The following JHY variants were observed in gnomAD, a reference collection of about 807,000 sequenced individuals.
JHY encodes junctional cadherin complex regulator, also known as jhy protein homolog.
JHY carries 69 observed loss-of-function variants against 78.0 expected under a neutral mutation model. The observed-to-expected ratio is 0.88, with a 90% CI of 0.73 to 1.08. JHY has a LOEUF of 1.08. Ranked by LOEUF, JHY falls within the 50% of genes least tolerant of loss-of-function variation. The pLI, the probability that JHY is intolerant of heterozygous loss-of-function variation, is 0.00. For missense variants in JHY, 944 were observed against 927.8 expected, an observed-to-expected ratio of 1.02 and a Z score of -0.23; for synonymous variants, 368 against 342.6, an observed-to-expected ratio of 1.07 and a Z score of -0.82.
chr11:122,914,335 T>G (rs1863191228), intron 3 of JHY, among the ~76,000 whole-genome samples: 1 of 152,226 alleles, frequency 6.6e-6, no homozygotes, highest in African/African-American at 2.4e-5. Flanking sequence ...TTTACCTTTA[T>G]TTAAGTTATG....
At chr11:122,914,514 C>G (rs111712531) in intron 3 of JHY, among the ~76,000 whole-genome samples, 3 of 151,908 alleles carry the variant, frequency 2.0e-5, no homozygotes, top group Non-Finnish European at 4.4e-5. Context: ...ATGCGATCTC[C>G]GCTCACTGCA....
At chr11:122,904,862 G>C (rs1035478900) in intron 3 of JHY, among the ~76,000 whole-genome samples, 5 of 152,076 alleles carry the variant, frequency 3.3e-5, no homozygotes, top group Non-Finnish European at 7.4e-5. Flanking sequence ...GATTTCCTTT[G>C]TTACCACCAT....
intron 2 of JHY, among the ~76,000 whole-genome samples, chr11:122,892,917 C>A (rs1431062918): frequency 6.6e-6 from 1 of 152,092 alleles, no homozygotes; most frequent in Admixed American, 6.6e-5. Context: ...TTTTTTCGTA[C>A]TGATTAGGAG....
chr11:122,949,080 T>C (rs1437952941), intron 6 of JHY, among the ~76,000 whole-genome samples: 1 of 106,688 alleles, frequency 9.4e-6, no homozygotes. Flanking sequence ...TGAGACTCCA[T>C]CTCAAAAAAA....
intron 8 of JHY, chr11:122,958,651 G>A (rs905126464): frequency 1.2e-6 from 1 of 853,290 alleles, no homozygotes; most frequent in Non-Finnish European, 1.4e-6. Context: ...GCAGGTTTAG[G>A]AATCATATTT....
chr11:122,884,486 C>G (rs1056477799), intron 1 of JHY, among the ~76,000 whole-genome samples: 1 of 151,600 alleles, frequency 6.6e-6, no homozygotes, highest in Non-Finnish European at 1.5e-5. Context: ...GAAAATAGAC[C>G]AAAATAGAAA....
At chr11:122,893,457 C>T (rs1201460675) in intron 2 of JHY, among the ~76,000 whole-genome samples, 1 of 152,134 alleles carries the variant, frequency 6.6e-6, no homozygotes, top group Non-Finnish European at 1.5e-5. Context: ...CCGGAGACAA[C>T]CACTAGTTCC....
intron 2 of JHY, among the ~76,000 whole-genome samples, chr11:122,902,389 T>TGGGAGGCAGAGGTTGCA (rs1359907138): frequency 6.6e-6 from 1 of 151,538 alleles, no homozygotes; most frequent in African/African-American, 2.4e-5. Context: ...CACTTGAACC[T>TGGGAGGCAGAGGTTGCA]GGGAGGCAGA....
In JHY at chr11:122,917,922, A is replaced by C. The variant is rs2135330000; in HGVS notation, c.865-6975A>C. ...TTTTACTTATTTATTTATTTTGGAG[A>C]CACAGTCTCACTCTGTCACCCAGGT... On this transcript the variant is annotated intron_variant, in intron 3 of 8. Coordinates refer to ENST00000227349, the MANE Select transcript of JHY (RefSeq NM_024806.4). The surrounding 1 kb of genome is among the most constrained non-coding windows in gnomAD (Gnocchi z 4.1). Among the ~76,000 whole-genome samples the C allele has an allele frequency of 6.8e-6, 1 of 146,524 alleles. No individual in the cohort carries two copies. The highest frequency in any genetic ancestry group is 1.9e-4 in the East Asian group (1 of 5,186).
intron 3 of JHY, among the ~76,000 whole-genome samples, chr11:122,910,442 C>G (rs1161408513): frequency 6.6e-6 from 1 of 151,878 alleles, no homozygotes; most frequent in Non-Finnish European, 1.5e-5. Context: ...TGCACTCCAG[C>G]CTGGGCGACA....
rs1236480769 is a variant in JHY at position 122,962,568 on chromosome 11, A to C, written c.*3123A>C. On this transcript the variant is annotated 3_prime_UTR_variant, in exon 9 of 9. Coordinates refer to ENST00000227349, the MANE Select transcript of JHY (RefSeq NM_024806.4). ...TAAGAGAAGAGGCCCTTCTAGGTGC[A>C]TGAAGACATTTCTAGAAATATGAGG... Among the ~76,000 whole-genome samples, 1 of 152,254 alleles carries C rather than the reference A, an allele frequency of 6.6e-6. No homozygotes were observed. The highest frequency in any genetic ancestry group is 1.5e-5 in the Non-Finnish European group (1 of 68,024).
At chr11:122,922,734 C>T (rs1863397409) in intron 3 of JHY, among the ~76,000 whole-genome samples, 1 of 141,634 alleles carries the variant, frequency 7.1e-6, no homozygotes, top group South Asian at 2.4e-4. Flanking sequence ...GGCGTGAACC[C>T]GGGAGGCGGA....
At chr11:122,922,397 G>C (rs534844778) in intron 3 of JHY, among the ~76,000 whole-genome samples, 1 of 152,192 alleles carries the variant, frequency 6.6e-6, no homozygotes, top group Non-Finnish European at 1.5e-5. Context: ...TTTGTCCAGG[G>C]AAGGCACATT....
At chr11:122,932,777 T>G (rs1340828983) in intron 4 of JHY, among the ~76,000 whole-genome samples, 3 of 152,216 alleles carry the variant, frequency 2.0e-5, no homozygotes, top group Non-Finnish European at 4.4e-5. Context: ...TTCTTGGAGC[T>G]ATGTATTTGC....
At chr11:122,948,281 T>C (rs1451023946) in intron 6 of JHY, among the ~76,000 whole-genome samples, 1 of 151,134 alleles carries the variant, frequency 6.6e-6, no homozygotes, top group Non-Finnish European at 1.5e-5. Context: ...CCGTCTCTAC[T>C]AAAATACAAA....
intron 4 of JHY, among the ~76,000 whole-genome samples, chr11:122,930,682 G>A (rs965034487): frequency 2.0e-5 from 3 of 152,018 alleles, no homozygotes; most frequent in Admixed American, 6.6e-5. Context: ...GTCCTGAATC[G>A]CTTCGCACTT....
chr11:122,948,441 CTTAATAATA>C lies in JHY; in HGVS notation c.1929+1650_1929+1658del, dbSNP rs1339397128. Among the ~76,000 whole-genome samples, 665 of 104,066 alleles carry C rather than the reference CTTAATAATA, an allele frequency of 6.4e-3. 7 individuals are homozygous for C. Among genetic ancestry groups the C allele is most frequent in the African/African-American group, 0.028 (641 of 22,696 alleles). The allele number at this position is 104,066 out of a possible 152,430, so 68.3% of individuals were successfully genotyped here. A position where few individuals can be genotyped will look rare whatever the true frequency, so the allele number is the denominator to read the frequency against. ...CTGGGCAACAAGAGTGAAACTTTGT[CTTAATAATA>C]ATAATAATAATAATAATAATAATAA... On this transcript the variant is annotated intron_variant, in intron 6 of 8. Transcript: ENST00000227349.
At chr11:122,946,327 T>A (rs1863956955) in intron 5 of JHY, among the ~76,000 whole-genome samples, 171 bp from the exon 6 acceptor site, 1 of 152,154 alleles carries the variant, frequency 6.6e-6, no homozygotes, top group Non-Finnish European at 1.5e-5. Flanking sequence ...GAGGAGGAGT[T>A]TAAGATAAAT....
chr11:122,909,736 G>A (rs1387799848), intron 3 of JHY, among the ~76,000 whole-genome samples: 11 of 151,754 alleles, frequency 7.2e-5, no homozygotes, highest in African/African-American at 1.2e-4. Flanking sequence ...CCAAGATTGC[G>A]CCACTGCACT....
Sources: gnomAD v4.1 joint callset for allele counts (sites outside exome capture counted in the v4.1 genomes callset) on GRCh38, gnomAD v4.1.1 for gene constraint, Gnocchi (gnomAD v3.1) non-coding constraint, MANE v1.5 for transcripts, NCBI Gene and HGNC (gene_info 2026-07-23, HGNC 2026-07-21) for gene names.